Variants in HS1BP3 observed in about 807,000 individuals in gnomAD.
The protein encoded by HS1BP3 is HCLS1-binding protein 3.
A neutral mutation model predicts 33.5 loss-of-function variants in HS1BP3; 32 were observed. That is an observed-to-expected ratio of 0.95 (90% CI 0.72 to 1.28). The LOEUF is 1.28. HS1BP3 is among the 50% of genes most tolerant of loss of function. The pLI is 0.00. For missense variants in HS1BP3, 486 were observed against 502.3 expected (o/e 0.97, Z 0.31); for synonymous variants, 187 against 209.2 (o/e 0.89, Z 0.92).
intron 6 of HS1BP3, 92 bp downstream of exon 6, chr2:20,623,804 G>A: frequency 1.4e-6 from 2 of 1,408,782 alleles, no homozygotes; most frequent in Non-Finnish European, 9.5e-7. Context: ...CCTCAGAGGA[G>A]GCTGGGGCTG....
At position 20,623,143 on chromosome 2, in the gene HS1BP3, G is replaced by C. The variant is rs1452827727; in HGVS notation, c.920+753C>G. ...TGGAGGTAAAGGCCTGGGGAGAACT[G>C]GGGGGCTGGGTGGGGAGGCAGATCA... On this transcript the variant is annotated intron_variant, in intron 6 of 6. Coordinates refer to ENST00000304031, the MANE Select transcript of HS1BP3 (RefSeq NM_022460.4). The C allele has an allele frequency of 2.0e-5, 3 of 152,376 alleles. No individual in the cohort carries two copies. The East Asian group carries it at 5.8e-4, about 29-fold the overall frequency. 9.4% of individuals were successfully genotyped at this position (152,376 alleles called of 1,614,324 possible).
intron 2 of HS1BP3, among the ~76,000 whole-genome samples, chr2:20,603,821 C>A (rs1028996333): frequency 2.0e-5 from 3 of 152,202 alleles, no homozygotes; most frequent in Non-Finnish European, 4.4e-5. Flanking sequence ...TAATGGGAAC[C>A]CAGGTCCTAC....
chr2:20,646,516 G>C (rs1695524259), intron 1 of HS1BP3, among the ~76,000 whole-genome samples: 1 of 152,242 alleles, frequency 6.6e-6, no homozygotes, highest in Admixed American at 6.5e-5. Context: ...TCACCAACTG[G>C]TGAGGCCTAC....
At chr2:20,632,581 G>A (rs568935380) in intron 4 of HS1BP3, among the ~76,000 whole-genome samples, 2 of 152,348 alleles carry the variant, frequency 1.3e-5, no homozygotes, top group South Asian at 4.1e-4. Flanking sequence ...GATCTGATCT[G>A]CAGTCCTCAG....
intron 5 of HS1BP3, among the ~76,000 whole-genome samples, chr2:20,576,052 G>A (rs978351587): frequency 5.9e-5 from 9 of 152,132 alleles, no homozygotes; most frequent in East Asian, 5.8e-4. Flanking sequence ...GCAGTGGCAT[G>A]ACCGCAGCTC....
chr2:20,572,506 A>G (rs1035229809), intron 5 of HS1BP3, among the ~76,000 whole-genome samples: 2 of 152,154 alleles, frequency 1.3e-5, no homozygotes, highest in African/African-American at 4.8e-5. Flanking sequence ...TTTGTCCTCC[A>G]ACCAACCTGA....
chr2:20,561,939 A>G lies in HS1BP3; in HGVS notation c.303-1424T>C, dbSNP rs115061575. On this transcript the variant is annotated intron_variant, in intron 5 of 5. Coordinates refer to the HS1BP3 transcript ENST00000446825. ...CGCCCAACCTCCTGGGGTGGAAGAG[A>G]GGCTGAAGGTTGAGCTGATCAACAA... Among the ~76,000 whole-genome samples the G allele has an allele frequency of 2.9e-3, 435 of 152,258 alleles. 2 individuals are homozygous for G. The highest frequency in any genetic ancestry group is 0.01 in the African/African-American group (422 of 41,532).
At chr2:20,636,263 C>G (rs1317901747) in intron 4 of HS1BP3, 1 of 152,292 alleles carries the variant, frequency 6.6e-6, no homozygotes, top group Non-Finnish European at 1.5e-5. Flanking sequence ...GAGGTGGAAA[C>G]CCAACTTCAA....
Position 20,621,614 on chromosome 2 carries a change from G to A in HS1BP3, c.920+2282C>T, listed in dbSNP as rs564798946. On this transcript the variant is annotated intron_variant, in intron 6 of 6. Transcript: ENST00000304031. ...GATGCAGCCTCCATTGAAGGCTGAG[G>A]GTACCTGGGAAAAGCTCAAAGGGAC... Among the ~76,000 whole-genome samples the A allele has an allele frequency of 3.3e-5, 5 of 152,362 alleles. No individual in the cohort carries two copies. In the South Asian group the frequency reaches 1.0e-3, roughly 32 times the overall value.
chr2:20,597,056 CA>C (rs1310622729), intron 3 of HS1BP3, among the ~76,000 whole-genome samples: 2 of 152,214 alleles, frequency 1.3e-5, no homozygotes, highest in African/African-American at 4.8e-5. Flanking sequence ...AAGGGAGGCC[CA>C]GGGGAGACAC....
At chr2:20,637,151 T>C (rs1390914892) in intron 4 of HS1BP3, 1 of 151,808 alleles carries the variant, frequency 6.6e-6, no homozygotes, top group Non-Finnish European at 1.5e-5. Context: ...AACATTTTCC[T>C]ACCCAAAAAA....
chr2:20,645,253 T>A, intron 2 of HS1BP3, 87 bp downstream of exon 2: 3 of 1,361,892 alleles, frequency 2.2e-6, no homozygotes, highest in Non-Finnish European at 3.0e-6. Flanking sequence ...TTGCTCTGGA[T>A]GCTACTTGAA....
intron 3 of HS1BP3, chr2:20,640,600 G>T: frequency 2.1e-6 from 1 of 484,968 alleles, no homozygotes; most frequent in Non-Finnish European, 3.7e-6. Flanking sequence ...CAGGTCCCTA[G>T]GGCTGGTTGG....
intron 5 of HS1BP3, among the ~76,000 whole-genome samples, chr2:20,561,877 C>T (rs907496416): frequency 1.3e-5 from 2 of 152,108 alleles, no homozygotes; most frequent in Non-Finnish European, 2.9e-5. Flanking sequence ...CCAGAAAGAA[C>T]AAGACGTGAT....
rs140821167 is a variant in HS1BP3 at position 20,570,871 on chromosome 2, G to C, written c.303-10356C>G. Among the ~76,000 whole-genome samples the C allele has an allele frequency of 7.9e-5, 12 of 152,304 alleles. No homozygotes were observed. In the East Asian group the frequency reaches 2.3e-3, roughly 29 times the overall value. ...TGCATAAAGGGTCACTGTTTGGCTTGCTTCTCTCGGGCTGAGGCCAGAAAG... is the reference window on the plus strand; with the variant it reads ...TGCATAAAGGGTCACTGTTTGGCTTCCTTCTCTCGGGCTGAGGCCAGAAAG... On this transcript the variant is annotated intron_variant, in intron 5 of 5. Coordinates refer to the HS1BP3 transcript ENST00000446825.
At chr2:20,573,445 C>T (rs1246214461) in intron 5 of HS1BP3, among the ~76,000 whole-genome samples, 2 of 150,620 alleles carry the variant, frequency 1.3e-5, no homozygotes, top group African/African-American at 5.0e-5. Flanking sequence ...CCCAGGGAGA[C>T]CCCCCAAGCC....
intron 4 of HS1BP3, chr2:20,636,888 C>T (rs1221603350): frequency 6.6e-6 from 1 of 152,222 alleles, no homozygotes; most frequent in African/African-American, 2.4e-5. Context: ...AACGTTGATT[C>T]ATCAGCACCT....
chr2:20,646,676 C>A (rs1007664996), intron 1 of HS1BP3, among the ~76,000 whole-genome samples: 3 of 152,274 alleles, frequency 2.0e-5, no homozygotes, highest in African/African-American at 7.2e-5. Context: ...GGGAGGTGCA[C>A]ACGCACAGCC....
At chr2:20,622,388 G>T in intron 6 of HS1BP3, 1 of 1,216,058 alleles carries the variant, frequency 8.2e-7, no homozygotes, top group Non-Finnish European at 1.1e-6. Context: ...GAAGGTGGGG[G>T]TGCGGGACCC....
Sources: allele counts gnomAD v4.1 joint callset (sites outside exome capture counted in the v4.1 genomes callset), GRCh38; gene constraint gnomAD v4.1.1; transcripts MANE v1.5; gene names NCBI Gene and HGNC (gene_info 2026-07-23, HGNC 2026-07-21).